RARG: variants seen among roughly 807,000 people sequenced by gnomAD.
RARG encodes RAR-gamma.
Under a neutral mutation model 43.7 loss-of-function variants are expected in RARG, and 17 were observed. The ratio of observed to expected loss-of-function variants is 0.39; its 90% CI spans 0.27 to 0.58. The LOEUF (loss-of-function observed/expected upper bound fraction) is 0.58. Among genes scored for constraint, RARG ranks in the 20% least tolerant of loss-of-function variants. RARG has a pLI of 0.57. For synonymous variants in RARG, 238 were observed against 236.4 expected (o/e 1.01, Z -0.06); for missense variants, 346 against 598.7 (o/e 0.58, Z 4.40).
Position 53,213,950 on chromosome 12 carries a change from C to T in RARG, c.813+109G>A. On this transcript the variant is annotated intron_variant, in intron 7 of 9. Transcript: ENST00000425354. This position sits in a 1 kb window ranked among gnomAD's most constrained non-coding sequence, Gnocchi z 4.7. ...ACGAAAAGAGAGCTGAGGAGTCCCA[C>T]ATGTGTGGCAGGGGGTGCAGGGTAA... is the stretch of plus-strand genomic sequence containing the variant. 7.6e-7 allele frequency: 1 copy of T among 1,317,086 alleles called. No individual in the cohort carries two copies. Among genetic ancestry groups the T allele is most frequent in the Non-Finnish European group, 1.1e-6 (1 of 947,528 alleles). 81.6% of individuals were successfully genotyped at this position (1,317,086 alleles called of 1,614,324 possible).
At chr12:53,230,614 G>T (rs1943209977) in intron 2 of RARG, among the ~76,000 whole-genome samples, 1 of 152,070 alleles carries the variant, frequency 6.6e-6, no homozygotes, top group South Asian at 2.1e-4. Context: ...CTCATCCCCA[G>T]GTGCCCTCCC....
chr12:53,216,655 T>TC (rs1285888977), intron 3 of RARG, among the ~76,000 whole-genome samples: 1 of 151,926 alleles, frequency 6.6e-6, no homozygotes, highest in Non-Finnish European at 1.5e-5. Flanking sequence ...ACTGGAGAAG[T>TC]CAGGTGACAG....
At chr12:53,212,252 G>T (rs899932212) in intron 9 of RARG, among the ~76,000 whole-genome samples, 10 of 152,186 alleles carry the variant, frequency 6.6e-5, no homozygotes, top group Admixed American at 1.3e-4. Context: ...CAAACACTAT[G>T]TTCCAGACAT....
rs148691915 is a variant in RARG, at chr12:53,226,350, T to C, written c.184+1012A>G. Among the ~76,000 whole-genome samples, 1,182 of 151,296 alleles carry C rather than the reference T, an allele frequency of 7.8e-3. 29 individuals carry two copies. Among genetic ancestry groups the C allele is most frequent in the African/African-American group, 0.027 (1,104 of 41,164 alleles). The stretch of plus-strand genomic sequence containing the variant: ...TTTTTTATTTTTTATCTTTTTGAGA[T>C]GGAGTCTTGCTCTGTCACCCAGGCT... On this transcript the variant is annotated intron_variant, in intron 3 of 9. Transcript: ENST00000425354.
rs944041724 is a variant in RARG at position 53,212,247 on chromosome 12, A to G, written c.1178-384T>C. On this transcript the variant is annotated intron_variant, in intron 9 of 9. Transcript: ENST00000425354. ...TTACCACAGCTAATATTTATCAAAC[A>G]CTATGTTCCAGACATCCTTCTAAGC... Among the ~76,000 whole-genome samples, 3 of 152,200 alleles carry G rather than the reference A, an allele frequency of 2.0e-5. No homozygotes were observed. In the South Asian group the frequency reaches 6.2e-4, roughly 31 times the overall value.
chr12:53,216,767 A>T (rs1292647235), intron 3 of RARG, among the ~76,000 whole-genome samples: 1 of 151,758 alleles, frequency 6.6e-6, no homozygotes, highest in Non-Finnish European at 1.5e-5. Flanking sequence ...AAGGGGTCTC[A>T]GCCCCACAGT....
At chr12:53,224,685 C>T (rs932386016) in intron 3 of RARG, among the ~76,000 whole-genome samples, 2 of 151,672 alleles carry the variant, frequency 1.3e-5, no homozygotes, top group African/African-American at 4.9e-5. Context: ...CCCATTAAAG[C>T]CGCATAGCAA....
intron 3 of RARG, among the ~76,000 whole-genome samples, chr12:53,216,067 T>C (rs182456783): frequency 1.6e-4 from 24 of 152,300 alleles, no homozygotes; most frequent in African/African-American, 5.1e-4. Context: ...TATGACATGT[T>C]TAATCCTCCA....
At chr12:53,221,632 G>C (rs1037796911) in intron 3 of RARG, among the ~76,000 whole-genome samples, 1 of 152,218 alleles carries the variant, frequency 6.6e-6, no homozygotes, top group Admixed American at 6.5e-5. Context: ...GAGGTGGGCG[G>C]GGGGCTGGCC....
intron 5 of RARG, 28 bp from the exon 6 acceptor site, chr12:53,214,634 T>C: frequency 6.3e-7 from 1 of 1,578,564 alleles, no homozygotes; most frequent in South Asian, 1.1e-5. Flanking sequence ...AAGGAGAGGG[T>C]CAGGACCCTC....
intron 2 of RARG, among the ~76,000 whole-genome samples, chr12:53,230,836 CGTGTGTGTGTGTGTGTGT>C (rs59367849): frequency 0.014 from 1,649 of 119,990 alleles, 36 homozygotes; most frequent in African/African-American, 0.05. Context: ...GGCCACAGTG[CGTGTGTGTGTGTGTGTGT>C]GTGTGTGTGT....
chr12:53,216,243 T>C (rs1185616756), intron 3 of RARG, among the ~76,000 whole-genome samples: 1 of 152,198 alleles, frequency 6.6e-6, no homozygotes, highest in African/African-American at 2.4e-5. Flanking sequence ...CTGTCCTCCC[T>C]GTGGGGCAAT....
chr12:53,223,818 A>G (rs1322532777), intron 3 of RARG, among the ~76,000 whole-genome samples: 2 of 152,060 alleles, frequency 1.3e-5, no homozygotes, highest in Non-Finnish European at 2.9e-5. Flanking sequence ...CTCTGTGCCA[A>G]CCTGTCCTCA....
chr12:53,219,788 C>T (rs1942897377), intron 3 of RARG, among the ~76,000 whole-genome samples: 1 of 152,324 alleles, frequency 6.6e-6, no homozygotes, highest in Middle Eastern at 3.4e-3. Flanking sequence ...ACTGCACACA[C>T]GCAAAGGAGA....
chr12:53,230,037 C>T, intron 2 of RARG: 2 of 921,436 alleles, frequency 2.2e-6, no homozygotes, highest in Non-Finnish European at 2.6e-6. Flanking sequence ...CATTTCTGAG[C>T]CTTGGTTCTG....
At chr12:53,220,099 A>T in intron 3 of RARG, 2 of 1,550,204 alleles carry the variant, frequency 1.3e-6, no homozygotes, top group Non-Finnish European at 1.7e-6. Context: ...ACAGTCGTAC[A>T]TCGCGACCCG....
chr12:53,227,491 C>G lies in RARG; in HGVS notation c.55G>C (p.Gly19Arg), dbSNP rs1943136434. 6.2e-7 allele frequency: 1 copy of G among 1,607,262 alleles called. No individual in the cohort carries two copies. Among genetic ancestry groups the G allele is most frequent in the African/African-American group, 1.3e-5 (1 of 74,650 alleles). ...FAAGALGPGS[G>R]YPGAGFPFAF... ...AAGGGGAAACCTGCCCCTGGGTAGC[C>G]AGATCCAGGCCCCAGGGCACCAGCC... The change falls in exon 3 of 10, where the codon GGC becomes CGC. Residue 19 changes from glycine to arginine, a missense_variant. Coordinates refer to ENST00000425354, the MANE Select transcript of RARG (RefSeq NM_000966.6). The surrounding 1 kb of genome is among the most constrained non-coding windows in gnomAD (Gnocchi z 4.3).
chr12:53,227,679 C>A lies in RARG; in HGVS notation c.-134G>T. 7.7e-7 allele frequency: 1 copy of A among 1,306,178 alleles called. No homozygotes were observed. The highest frequency in any genetic ancestry group is 2.8e-4 in the Middle Eastern group (1 of 3,544). 80.9% of individuals were successfully genotyped at this position (1,306,178 alleles called of 1,614,324 possible). A position where few individuals can be genotyped will look rare whatever the true frequency, so the allele number is the denominator to read the frequency against. ...CCTGCCTGGCCTGCCCACTGGGCCT[C>A]CAAAAGTCCTAGGGAGAAAGAGAGA... On this transcript the variant is annotated 5_prime_UTR_variant, in exon 3 of 10. Transcript: ENST00000425354. The surrounding 1 kb of genome is among the most constrained non-coding windows in gnomAD (Gnocchi z 4.3).
intron 2 of RARG, among the ~76,000 whole-genome samples, chr12:53,230,353 C>T (rs1943201406): frequency 6.6e-6 from 1 of 151,978 alleles, no homozygotes. Flanking sequence ...GTGTGTTTCC[C>T]TGTCGCCCTG....
Sources: gnomAD v4.1 joint callset for allele counts (sites outside exome capture counted in the v4.1 genomes callset) on GRCh38, gnomAD v4.1.1 for gene constraint, Gnocchi (gnomAD v3.1) non-coding constraint, MANE v1.5 for transcripts, NCBI Gene and HGNC (gene_info 2026-07-23, HGNC 2026-07-21) for gene names.